Variants in L3MBTL4 observed in about 807,000 individuals in gnomAD.
The protein encoded by L3MBTL4 is L3MBTL histone methyl-lysine binding protein 4.
L3MBTL4 carries 70 observed loss-of-function variants against 84.5 expected under a neutral mutation model. The ratio of observed to expected loss-of-function variants is 0.83; its 90% confidence interval spans 0.68 to 1.01. The LOEUF (loss-of-function observed/expected upper bound fraction) is 1.01, where lower values mean the gene tolerates loss of function less well. Among genes scored for constraint, L3MBTL4 ranks in the 50% least tolerant of loss-of-function variants. The probability of loss-of-function intolerance (pLI) is 0.00; values close to 1 mark genes in which losing one functional copy is unlikely to be tolerated. For missense variants in L3MBTL4, 715 were observed against 754.8 expected, an observed-to-expected ratio of 0.95 and a Z score of 0.62; for synonymous variants, 274 against 259.8, an observed-to-expected ratio of 1.05 and a Z score of -0.52.
intron 16 of L3MBTL4, among the ~76,000 whole-genome samples, chr18:6,016,600 A>C (rs1236514584): frequency 2.0e-5 from 3 of 152,174 alleles, no homozygotes; most frequent in Non-Finnish European, 4.4e-5. Context: ...CATTGTACCC[A>C]ATATGTAGCT....
At chr18:5,959,338 G>A in intron 18 of L3MBTL4, among the ~76,000 whole-genome samples, 1 of 152,174 alleles carries the variant, frequency 6.6e-6, no homozygotes, top group South Asian at 2.1e-4. Context: ...CCATTGTAGT[G>A]TTGTCACAAG....
chr18:6,075,198 G>C (rs72874026), intron 16 of L3MBTL4, among the ~76,000 whole-genome samples: 7,289 of 152,218 alleles, frequency 0.048, 240 homozygotes, highest in South Asian at 0.1. Flanking sequence ...GATAAGAAAT[G>C]TAAAGGAACA....
At chr18:6,053,780 C>G (rs1022286284) in intron 16 of L3MBTL4, among the ~76,000 whole-genome samples, 2 of 152,120 alleles carry the variant, frequency 1.3e-5, no homozygotes, top group Admixed American at 1.3e-4. Context: ...GAGCTTGTCT[C>G]CCTCTGTTGT....
At chr18:6,094,570 T>C (rs1017243505) in intron 14 of L3MBTL4, among the ~76,000 whole-genome samples, 6 of 152,160 alleles carry the variant, frequency 3.9e-5, no homozygotes, top group Admixed American at 6.5e-5. Flanking sequence ...TCGAGGCAGT[T>C]GATTCTTTTC....
At chr18:6,065,783 T>G (rs1402222390) in intron 16 of L3MBTL4, among the ~76,000 whole-genome samples, 5 of 152,100 alleles carry the variant, frequency 3.3e-5, no homozygotes, top group African/African-American at 4.8e-5. Flanking sequence ...CTATCAAATT[T>G]GTTTATCTTT....
intron 1 of L3MBTL4, among the ~76,000 whole-genome samples, chr18:6,343,845 T>C (rs1372348476): frequency 6.6e-6 from 1 of 151,652 alleles, no homozygotes. Context: ...CAAAAATATC[T>C]TGAGACAAAC....
At position 6,031,695 on chromosome 18, in the gene L3MBTL4, G is replaced by A. The variant is rs562080883; in HGVS notation, c.1444+49186C>T. The A allele has an allele frequency of 7.9e-4, 777 of 985,424 alleles. 4 individuals are homozygous for A. The African/African-American group carries it at 0.012, about 15-fold the overall frequency. The allele number at this position is 985,424 out of a possible 1,614,324, so 61.0% of individuals were successfully genotyped here. On this transcript the variant is annotated intron_variant, in intron 16 of 18. Coordinates refer to ENST00000317931, the MANE Select transcript of L3MBTL4 (RefSeq NM_001330559.2). ...TCCTCCAGCAGGTCAGCCCCAGCAC[G>A]GCTTCATGGGGAATGGCAGAGGAAC...
intron 4 of L3MBTL4, among the ~76,000 whole-genome samples, chr18:6,274,191 T>G (rs1346124888): frequency 2.0e-5 from 3 of 152,206 alleles, no homozygotes; most frequent in Admixed American, 6.5e-5. Context: ...ACCAGCAGCA[T>G]CAGTGTCACC....
chr18:6,072,893 T>A (rs1375506553), intron 16 of L3MBTL4, among the ~76,000 whole-genome samples: 2,184 of 13,608 alleles, frequency 0.16, 243 homozygotes, highest in East Asian at 0.49. Flanking sequence ...TATATATATA[T>A]ATATATATAT....
intron 14 of L3MBTL4, among the ~76,000 whole-genome samples, chr18:6,102,816 G>T (rs920419980): frequency 2.0e-5 from 3 of 152,112 alleles, no homozygotes; most frequent in African/African-American, 7.2e-5. Flanking sequence ...ATATTTAATT[G>T]GTATGCATTA....
At chr18:6,031,985 T>A in intron 16 of L3MBTL4, 1 of 139,572 alleles carries the variant, frequency 7.2e-6, no homozygotes, top group Non-Finnish European at 1.1e-5. Flanking sequence ...TCTTTCTTTC[T>A]TTTTTTTTTT....
At position 6,204,598 on chromosome 18, in the gene L3MBTL4, C is replaced by T. The variant is rs569642883; in HGVS notation, c.981+8551G>A. On this transcript the variant is annotated intron_variant, in intron 12 of 18. Transcript: ENST00000317931. ...AAACCCAAAGTCTCTTTTGTCTCTA[C>T]ATGATAGTAAATAAAAGCATTTGGT... Among the ~76,000 whole-genome samples the T allele has an allele frequency of 6.6e-5, 10 of 152,334 alleles. No homozygotes were observed. In the South Asian group the frequency reaches 1.9e-3, roughly 28 times the overall value.
chr18:6,097,682 T>A (rs2058686104), intron 14 of L3MBTL4, among the ~76,000 whole-genome samples: 1 of 152,230 alleles, frequency 6.6e-6, no homozygotes, highest in African/African-American at 2.4e-5. Flanking sequence ...CTGATGTCTG[T>A]GCAAATGCCA....
At chr18:6,286,110 G>A (rs984062620) in intron 4 of L3MBTL4, among the ~76,000 whole-genome samples, 17 of 151,752 alleles carry the variant, frequency 1.1e-4, no homozygotes, top group East Asian at 5.9e-4. Flanking sequence ...GATTAAAGGC[G>A]TGAGCCACCA....
intron 13 of L3MBTL4, among the ~76,000 whole-genome samples, chr18:6,141,040 A>G (rs767387657): frequency 6.7e-6 from 1 of 150,064 alleles, no homozygotes; most frequent in Non-Finnish European, 1.5e-5. Context: ...AGGAAGAACT[A>G]TGGAATACTC....
intron 18 of L3MBTL4, among the ~76,000 whole-genome samples, chr18:5,959,890 T>C (rs901836712): frequency 3.9e-5 from 6 of 151,984 alleles, no homozygotes; most frequent in African/African-American, 1.5e-4. Context: ...GGTCTCACAC[T>C]GCATAATTGG....
At chr18:6,360,701 G>A (rs780468745) in intron 1 of L3MBTL4, among the ~76,000 whole-genome samples, 1 of 152,100 alleles carries the variant, frequency 6.6e-6, no homozygotes, top group Non-Finnish European at 1.5e-5. Flanking sequence ...TGATACTGGG[G>A]CAGAGTGCAG....
chr18:6,088,108 T>C (rs1052209646), intron 15 of L3MBTL4, among the ~76,000 whole-genome samples: 3 of 152,156 alleles, frequency 2.0e-5, no homozygotes, highest in African/African-American at 7.2e-5. Flanking sequence ...AACAAACTAT[T>C]AAAAAGGTAC....
chr18:5,994,693 C>G (rs1567961371), intron 16 of L3MBTL4, among the ~76,000 whole-genome samples: 2 of 152,172 alleles, frequency 1.3e-5, no homozygotes, highest in African/African-American at 2.4e-5. Flanking sequence ...CAGAGAGTTA[C>G]CTCCAAGAGG....
Sources: allele counts gnomAD v4.1 joint callset (sites outside exome capture counted in the v4.1 genomes callset), GRCh38; gene constraint gnomAD v4.1.1; transcripts MANE v1.5; gene names NCBI Gene and HGNC (gene_info 2026-07-23, HGNC 2026-07-21).